The following NEO1 variants were observed in gnomAD, a reference collection of about 807,000 sequenced individuals.
The protein encoded by NEO1 is neogenin 1, also known as neogenin.
A neutral mutation model predicts 159.7 loss-of-function variants in NEO1; 63 were observed. The ratio of observed to expected loss-of-function variants is 0.39; its 90% CI spans 0.32 to 0.49. The LOEUF is 0.49. Among genes scored for constraint, NEO1 ranks in the 20% least tolerant of loss-of-function variants. The probability of loss-of-function intolerance (pLI) is 0.85; values close to 1 mark genes in which losing one functional copy is unlikely to be tolerated. For missense variants in NEO1, 1,615 were observed against 1,831.0 expected, an observed-to-expected ratio of 0.88 and a Z score of 2.15; for synonymous variants, 633 against 662.0, an observed-to-expected ratio of 0.96 and a Z score of 0.67.
chr15:73,089,219 G>A (rs1008003802), intron 1 of NEO1, among the ~76,000 whole-genome samples: 1 of 152,068 alleles, frequency 6.6e-6, no homozygotes, highest in African/African-American at 2.4e-5. Flanking sequence ...CTTTTCAGAA[G>A]TGGGAAATTT....
At chr15:73,108,239 A>T (rs1017101691) in intron 1 of NEO1, among the ~76,000 whole-genome samples, 1 of 152,212 alleles carries the variant, frequency 6.6e-6, no homozygotes, top group African/African-American at 2.4e-5. Context: ...AGAATTTCCA[A>T]GTAACTGGTT....
intron 1 of NEO1, among the ~76,000 whole-genome samples, chr15:73,107,885 T>A (rs1465467845): frequency 6.6e-6 from 1 of 152,180 alleles, no homozygotes; most frequent in Non-Finnish European, 1.5e-5. Context: ...AAAAGTGGCT[T>A]ATAAGATATT....
At chr15:73,064,364 T>C (rs905963396) in intron 1 of NEO1, among the ~76,000 whole-genome samples, 6 of 152,172 alleles carry the variant, frequency 3.9e-5, no homozygotes, top group Non-Finnish European at 7.3e-5. Context: ...TTTAAATTAG[T>C]TCATATTCTC....
intron 19 of NEO1, among the ~76,000 whole-genome samples, chr15:73,273,155 C>CT (rs1408449679): frequency 6.6e-6 from 1 of 152,096 alleles, no homozygotes; most frequent in African/African-American, 2.4e-5. Flanking sequence ...AGGGGACACT[C>CT]TGCCTTCCTC....
intron 7 of NEO1, among the ~76,000 whole-genome samples, chr15:73,188,430 A>G (rs1196399819): frequency 2.6e-5 from 4 of 152,172 alleles, no homozygotes; most frequent in African/African-American, 9.7e-5. Context: ...TCCTGATATC[A>G]TTACAGGGGT....
chr15:73,265,221 G>A (rs1367908992), intron 15 of NEO1, among the ~76,000 whole-genome samples: 1 of 152,166 alleles, frequency 6.6e-6, no homozygotes, highest in Non-Finnish European at 1.5e-5. Flanking sequence ...TTTGTCTGGA[G>A]GGGATGAGGG....
intron 1 of NEO1, among the ~76,000 whole-genome samples, chr15:73,115,859 C>A (rs1273743436): frequency 1.3e-5 from 2 of 151,988 alleles, no homozygotes; most frequent in African/African-American, 4.8e-5. Flanking sequence ...AAAATGAATT[C>A]TAGATGAAGA....
At chr15:73,193,667 T>C (rs1360011778) in intron 7 of NEO1, among the ~76,000 whole-genome samples, 1 of 150,152 alleles carries the variant, frequency 6.7e-6, no homozygotes, top group African/African-American at 2.5e-5. Flanking sequence ...TTTAGTAGTA[T>C]CTGGTTGTGG....
At chr15:73,243,187 AC>A (rs771597590) in intron 8 of NEO1, among the ~76,000 whole-genome samples, 12 of 149,858 alleles carry the variant, frequency 8.0e-5, no homozygotes, top group Admixed American at 3.4e-4. Context: ...TTGTGTGGGT[AC>A]TATTGTTGGA....
At chr15:73,258,971 C>T (rs2040492216) in intron 14 of NEO1, 95 bp downstream of exon 14, 8 of 1,022,728 alleles carry the variant, frequency 7.8e-6, no homozygotes, top group Admixed American at 2.0e-5. Flanking sequence ...GTGGATATGG[C>T]TCAAGTCTGT....
chr15:73,062,364 T>C (rs1035636961), intron 1 of NEO1, among the ~76,000 whole-genome samples: 2 of 152,238 alleles, frequency 1.3e-5, no homozygotes, highest in African/African-American at 4.8e-5. Context: ...TATTGAATCA[T>C]TGATTCATTT....
chr15:73,221,106 T>C (rs2038228568), intron 7 of NEO1, among the ~76,000 whole-genome samples: 1 of 152,186 alleles, frequency 6.6e-6, no homozygotes, highest in African/African-American at 2.4e-5. Flanking sequence ...GGATTTTTGG[T>C]GTGGATGTCC....
chr15:73,097,152 A>G (rs1279612956), intron 1 of NEO1, among the ~76,000 whole-genome samples: 1 of 152,054 alleles, frequency 6.6e-6, no homozygotes, highest in African/African-American at 2.4e-5. Context: ...ATAATGTAAA[A>G]AAGACTGCAC....
At chr15:73,295,125 A>AAT (rs10524460) in intron 26 of NEO1, among the ~76,000 whole-genome samples, 9,491 of 100,074 alleles carry the variant, frequency 0.095, 929 homozygotes, top group African/African-American at 0.18. Context: ...CTAAATATTA[A>AAT]ATATATATAT....
At chr15:73,270,498 C>T (rs2041119743) in intron 18 of NEO1, 44 bp downstream of exon 18, 1 of 1,559,740 alleles carries the variant, frequency 6.4e-7, no homozygotes. Flanking sequence ...CTTTTACTTC[C>T]CAAGGAAAGA....
At chr15:73,163,195 A>G (rs2034315183) in intron 5 of NEO1, among the ~76,000 whole-genome samples, 1 of 152,172 alleles carries the variant, frequency 6.6e-6, no homozygotes, top group African/African-American at 2.4e-5. Context: ...GTGAATGACA[A>G]CAAAAAACAT....
intron 1 of NEO1, among the ~76,000 whole-genome samples, chr15:73,099,385 T>C (rs918537738): frequency 9.2e-5 from 14 of 152,240 alleles, no homozygotes; most frequent in Admixed American, 9.2e-4. Context: ...CACAGTTGAA[T>C]AGAAGAATTC....
intron 1 of NEO1, among the ~76,000 whole-genome samples, chr15:73,090,691 TA>T (rs1410070026): frequency 6.6e-6 from 1 of 152,194 alleles, no homozygotes; most frequent in African/African-American, 2.4e-5. Context: ...GAAAGAATAC[TA>T]ATGGAAAATT....
At chr15:73,213,659 C>T (rs1214315301) in intron 7 of NEO1, among the ~76,000 whole-genome samples, 3 of 152,256 alleles carry the variant, frequency 2.0e-5, no homozygotes, top group Admixed American at 6.5e-5. Flanking sequence ...TTTCTTTATC[C>T]ACTCATTGAG....
Sources: gnomAD v4.1 joint callset for allele counts (sites outside exome capture counted in the v4.1 genomes callset) on GRCh38, gnomAD v4.1.1 for gene constraint, MANE v1.5 for transcripts, NCBI Gene and HGNC (gene_info 2026-07-23, HGNC 2026-07-21) for gene names.